The following NSD3 variants were observed in gnomAD, a reference collection of about 807,000 sequenced individuals.
The protein encoded by NSD3 is histone-lysine N-methyltransferase NSD3.
In NSD3, 24 loss-of-function variants were observed where a neutral mutation model predicts 160.8. That is an observed-to-expected ratio of 0.15 (90% CI 0.11 to 0.21). NSD3 has a LOEUF of 0.21. NSD3 is among the 10% of genes least tolerant of loss of function. The pLI, the probability that NSD3 is intolerant of heterozygous loss-of-function variation, is 1.00. For synonymous variants in NSD3, 520 were observed against 600.0 expected, an observed-to-expected ratio of 0.87 and a Z score of 1.95; for missense variants, 1,157 against 1,735.9, an observed-to-expected ratio of 0.67 and a Z score of 5.93.
At chr8:38,379,569 C>G (rs1369048701) in intron 1 of NSD3, among the ~76,000 whole-genome samples, 1 of 152,012 alleles carries the variant, frequency 6.6e-6, no homozygotes, top group Non-Finnish European at 1.5e-5. Context: ...ATACTACAAG[C>G]TGAGAGGGTG....
rs1811343902 is a variant in NSD3 at position 38,374,649 on chromosome 8, T to C, written c.-45+7150A>G. Among the ~76,000 whole-genome samples, 5 of 152,292 alleles carry C rather than the reference T, an allele frequency of 3.3e-5. No individual in the cohort carries two copies. In the South Asian group the frequency reaches 1.0e-3, roughly 32 times the overall value. On this transcript the variant is annotated intron_variant, in intron 1 of 23. Coordinates refer to ENST00000317025, the MANE Select transcript of NSD3 (RefSeq NM_023034.2). ...TCTGAAAATTTTATTCTCCGTAACA[T>C]GACAGTCTATTTGGCCTGAAGGGGT...
intron 12 of NSD3, 25 bp downstream of exon 12, chr8:38,314,622 T>C: frequency 6.2e-7 from 1 of 1,613,924 alleles, no homozygotes; most frequent in Non-Finnish European, 8.5e-7. Context: ...CATCTTTTCA[T>C]GACTATCGAA....
In NSD3 at chr8:38,317,861, C is replaced by T. The variant is rs1809707284; in HGVS notation, c.1855+1034G>A. 9 of 1,557,336 alleles carry T rather than the reference C, an allele frequency of 5.8e-6. No individual in the cohort carries two copies. Among genetic ancestry groups the T allele is most frequent in the Middle Eastern group, 3.9e-4 (2 of 5,150 alleles). Reference sequence around the variant, plus strand: ...TAATGATGATTGGCGAAATCAAAATCGAAAACAAAGAAACTGTTTATCAAG... The same window carrying T: ...TAATGATGATTGGCGAAATCAAAATTGAAAACAAAGAAACTGTTTATCAAG... On this transcript the variant is annotated intron_variant, in intron 9 of 23. Coordinates refer to ENST00000317025, the MANE Select transcript of NSD3 (RefSeq NM_023034.2). This position sits in a 1 kb window ranked among gnomAD's most constrained non-coding sequence, Gnocchi z 5.3.
chr8:38,303,306 A>C, intron 14 of NSD3: 1 of 985,340 alleles, frequency 1.0e-6, no homozygotes, highest in Non-Finnish European at 1.2e-6. Context: ...TTTATTTATT[A>C]TTTGCCCACC....
chr8:38,308,195 C>T (rs1809452105), intron 12 of NSD3, among the ~76,000 whole-genome samples: 1 of 152,060 alleles, frequency 6.6e-6, no homozygotes, highest in South Asian at 2.1e-4. Context: ...TCTGGAAGTA[C>T]CCAATCTTTA....
intron 4 of NSD3, among the ~76,000 whole-genome samples, chr8:38,332,100 ATTTT>A (rs1220911168): frequency 6.6e-6 from 1 of 151,750 alleles, no homozygotes; most frequent in African/African-American, 2.4e-5. Context: ...TAATTAATAA[ATTTT>A]TTTGTTGCTT....
intron 2 of NSD3, 42 bp downstream of exon 2, chr8:38,347,455 G>A (rs759079295): frequency 2.0e-6 from 3 of 1,529,350 alleles, no homozygotes; most frequent in Non-Finnish European, 2.6e-6. Context: ...TCCAGTAAAT[G>A]TGAAATATAA....
chr8:38,348,311 C>A lies in NSD3; in HGVS notation c.-44-96G>T. ...GGATTAAACTAAAATGTTTTGAACT[C>A]AATTTTCATATCCAGATATGCATAG... On this transcript the variant is annotated intron_variant, in intron 1 of 23. Transcript: ENST00000317025. The A allele has an allele frequency of 1.0e-5, 9 of 902,568 alleles. No homozygotes were observed. The South Asian group carries it at 1.8e-4, about 18-fold the overall frequency. The allele number at this position is 902,568 out of a possible 1,614,324, so 55.9% of individuals were successfully genotyped here.
intron 12 of NSD3, among the ~76,000 whole-genome samples, chr8:38,310,123 T>C (rs566689458): frequency 6.6e-6 from 1 of 152,334 alleles, no homozygotes; most frequent in Non-Finnish European, 1.5e-5. Flanking sequence ...ATTCACATTG[T>C]TACCACTGTC....
chr8:38,294,809 C>T lies in NSD3; in HGVS notation c.2915+987G>A, dbSNP rs1481860849. On this transcript the variant is annotated intron_variant, in intron 16 of 23. Coordinates refer to ENST00000317025, the MANE Select transcript of NSD3 (RefSeq NM_023034.2). ...CCTGGGCAATATAATGAGTCCCCAT[C>T]TCACTATATTTATTCAATTTAAATT... Among the ~76,000 whole-genome samples, 8 of 151,720 alleles carry T rather than the reference C, an allele frequency of 5.3e-5. No homozygotes were observed. In the East Asian group the frequency reaches 9.7e-4, roughly 18 times the overall value.
At chr8:38,337,225 T>G in intron 4 of NSD3, 80 bp downstream of exon 4, 1 of 1,249,394 alleles carries the variant, frequency 8.0e-7, no homozygotes, top group Non-Finnish European at 1.1e-6. Context: ...TACGTGTGTA[T>G]TCTTATATTC....
At chr8:38,342,844 C>T (rs1228457398) in intron 2 of NSD3, among the ~76,000 whole-genome samples, 1 of 151,980 alleles carries the variant, frequency 6.6e-6, no homozygotes, top group Non-Finnish European at 1.5e-5. Context: ...AGCCGTGAGC[C>T]ACCACGGCCT....
At chr8:38,276,526 T>C (rs745957598) in intron 22 of NSD3, 26 bp from the exon 23 acceptor site, 2 of 1,613,032 alleles carry the variant, frequency 1.2e-6, no homozygotes, top group Non-Finnish European at 1.7e-6. Flanking sequence ...GGATCATAGT[T>C]TCAAACATCA....
chr8:38,340,037 G>A (rs998208036), intron 2 of NSD3, among the ~76,000 whole-genome samples: 3 of 152,006 alleles, frequency 2.0e-5, no homozygotes, highest in African/African-American at 7.2e-5. Context: ...TTTTGGGAAT[G>A]ACATGAGGGA....
intron 1 of NSD3, among the ~76,000 whole-genome samples, chr8:38,352,002 C>G (rs1420137304): frequency 6.6e-6 from 1 of 151,144 alleles, no homozygotes; most frequent in Admixed American, 6.6e-5. Flanking sequence ...GCACATGTAC[C>G]CTAAAACTTA....
At position 38,329,799 on chromosome 8, in the gene NSD3, A is replaced by C; in HGVS notation, c.1160T>G (p.Ile387Arg). ...KALKMTREER[I>R]EQYTFIYIDK... ...AATGTAAATAAAAGTATACTGTTCT[A>C]TTCTTTCTTCTCGAGTCATTTTCAA... Residue 387 changes from isoleucine (I) to arginine (R), a missense_variant, in exon 6 of 24, where the codon ATA becomes AGA. By Grantham distance (97) the Ile-to-Arg change is moderately conservative. Around this residue, in one of 10 missense-constraint regions of NSD3, gnomAD observed 168 missense variants for 208.1 expected, o/e 0.81. Transcript: ENST00000317025. This position sits in a 1 kb window ranked among gnomAD's most constrained non-coding sequence, Gnocchi z 4.8. 6.2e-7 allele frequency: 1 copy of C among 1,613,932 alleles called. No homozygotes were observed. The highest frequency in any genetic ancestry group is 1.3e-5 in the African/African-American group (1 of 74,992).
Position 38,318,113 on chromosome 8 carries a change from C to G in NSD3, c.1855+782G>C. The stretch of plus-strand genomic sequence containing the variant: ...GATCGCGATGTCTTTTCTTGGAGCT[C>G]CGCCAAGCAGTGTTCCCTCCGAGAG... On this transcript the variant is annotated intron_variant, in intron 9 of 23. Transcript: ENST00000317025. This position sits in a 1 kb window ranked among gnomAD's most constrained non-coding sequence, Gnocchi z 5.3. The G allele has an allele frequency of 6.4e-7, 1 of 1,558,038 alleles. No individual in the cohort carries two copies. Among genetic ancestry groups the G allele is most frequent in the Non-Finnish European group, 8.8e-7 (1 of 1,141,492 alleles).
chr8:38,372,934 G>C (rs138062971), intron 1 of NSD3, among the ~76,000 whole-genome samples: 33,181 of 149,540 alleles, frequency 0.22, 3,870 homozygotes, highest in East Asian at 0.31. Flanking sequence ...ACCTGTAGTC[G>C]AGCTACTCGG....
At chr8:38,278,451 T>C (rs754349355) in intron 21 of NSD3, 39 bp from the exon 22 acceptor site, 2 of 1,546,326 alleles carry the variant, frequency 1.3e-6, no homozygotes, top group Non-Finnish European at 1.8e-6. Flanking sequence ...ACTCGAGTCA[T>C]GGGGAAGAGA....
Sources: allele counts gnomAD v4.1 joint callset (sites outside exome capture counted in the v4.1 genomes callset), GRCh38; gene constraint gnomAD v4.1.1; regional missense constraint gnomAD v4.1.1; non-coding constraint Gnocchi (gnomAD v3.1); transcripts MANE v1.5; gene names NCBI Gene and HGNC (gene_info 2026-07-23, HGNC 2026-07-21).